MORC1: variants seen among roughly 807,000 people sequenced by gnomAD.
MORC1 encodes MORC family CW-type zinc finger 1, also known as MORC family CW-type zinc finger protein 1.
A neutral mutation model predicts 134.9 loss-of-function variants in MORC1; 59 were observed. The ratio of observed to expected loss-of-function variants is 0.44; its 90% CI spans 0.35 to 0.54. MORC1 has a LOEUF of 0.54. Ranked by LOEUF, MORC1 falls within the 20% of genes least tolerant of loss-of-function variation. MORC1 has a pLI of 0.00. For missense variants in MORC1, 947 were observed against 1,134.5 expected (o/e 0.83, Z 2.37); for synonymous variants, 395 against 391.7 (o/e 1.01, Z -0.10).
At chr3:108,962,435 T>A (rs1454747697) in intron 27 of MORC1, among the ~76,000 whole-genome samples, 3 of 152,166 alleles carry the variant, frequency 2.0e-5, no homozygotes, top group Non-Finnish European at 2.9e-5. Flanking sequence ...AGGTCCATGT[T>A]CTTCACACAT....
chr3:109,032,658 C>A, intron 16 of MORC1, 62 bp downstream of exon 16: 1 of 1,153,486 alleles, frequency 8.7e-7, no homozygotes, highest in South Asian at 1.4e-5. Context: ...TTTCAAGGTT[C>A]ATACATATGA....
intron 3 of MORC1, among the ~76,000 whole-genome samples, chr3:109,109,435 A>C (rs1253575528): frequency 6.6e-6 from 1 of 152,170 alleles, no homozygotes; most frequent in Non-Finnish European, 1.5e-5. Flanking sequence ...TTGTTTTCTC[A>C]TAATTATTAC....
chr3:109,066,288 CTTTTTTTT>C (rs377008017), intron 9 of MORC1, among the ~76,000 whole-genome samples: 2,337 of 144,346 alleles, frequency 0.016, 53 homozygotes, highest in African/African-American at 0.056. Context: ...CTCTTTTTTT[CTTTTTTTT>C]TTTTTCTGAG....
intron 8 of MORC1, among the ~76,000 whole-genome samples, chr3:109,078,828 T>C (rs1950471952): frequency 6.6e-6 from 1 of 151,820 alleles, no homozygotes; most frequent in African/African-American, 2.4e-5. Flanking sequence ...GAACAAAATC[T>C]ATCAGAGGAA....
intron 6 of MORC1, 128 bp from the exon 7 acceptor site, chr3:109,095,196 T>C: frequency 1.2e-6 from 1 of 821,312 alleles, no homozygotes; most frequent in Non-Finnish European, 1.9e-6. Flanking sequence ...TTCATTTTCC[T>C]CCTATAATCT....
intron 14 of MORC1, among the ~76,000 whole-genome samples, chr3:109,045,820 T>C (rs1949682832): frequency 6.6e-6 from 1 of 152,140 alleles, no homozygotes; most frequent in Non-Finnish European, 1.5e-5. Flanking sequence ...GTAAGCACAG[T>C]ACGCTCCCCT....
At chr3:109,051,109 G>A (rs1469779044) in intron 14 of MORC1, among the ~76,000 whole-genome samples, 1 of 152,148 alleles carries the variant, frequency 6.6e-6, no homozygotes, top group East Asian at 1.9e-4. Flanking sequence ...AAACATAGTA[G>A]CAGACAGTGA....
chr3:108,996,529 ACTC>A (rs1223115373), intron 21 of MORC1, among the ~76,000 whole-genome samples: 2 of 151,684 alleles, frequency 1.3e-5, no homozygotes, highest in East Asian at 2.0e-4. Flanking sequence ...GTAAAGAAAA[ACTC>A]CTCATTATTT....
intron 13 of MORC1, 118 bp from the exon 14 acceptor site, chr3:109,055,000 G>A: frequency 1.1e-6 from 1 of 924,846 alleles, no homozygotes; most frequent in East Asian, 2.7e-5. Context: ...TGTTGATCTG[G>A]ACCATGTCAA....
intron 17 of MORC1, among the ~76,000 whole-genome samples, chr3:109,017,871 A>G (rs1304908995): frequency 5.9e-5 from 9 of 152,216 alleles, no homozygotes; most frequent in Non-Finnish European, 1.2e-4. Context: ...CAAGACTATT[A>G]CATTTCTTTA....
At position 108,962,142 on chromosome 3, in the gene MORC1, G is replaced by A. The variant is rs141419893; in HGVS notation, c.2799+1272C>T. On this transcript the variant is annotated intron_variant, in intron 27 of 27. Coordinates refer to ENST00000232603, the MANE Select transcript of MORC1 (RefSeq NM_014429.4). ...CTGAAGTGGTATGGTTGATAGAAGC[G>A]CAAATACAATTACCTTTATATAAAA... Among the ~76,000 whole-genome samples, 13 of 152,150 alleles carry A rather than the reference G, an allele frequency of 8.5e-5. No individual in the cohort carries two copies. The East Asian group carries it at 2.5e-3, about 29-fold the overall frequency.
intron 27 of MORC1, among the ~76,000 whole-genome samples, chr3:108,960,769 C>G (rs34137678): frequency 0.025 from 3,862 of 151,996 alleles, 82 homozygotes; most frequent in Middle Eastern, 0.11. Flanking sequence ...AGGCATACAC[C>G]TTATAGTCCT....
chr3:109,014,745 A>G (rs1433889287), intron 17 of MORC1, among the ~76,000 whole-genome samples: 1 of 152,226 alleles, frequency 6.6e-6, no homozygotes, highest in Non-Finnish European at 1.5e-5. Flanking sequence ...TAAAAATTTT[A>G]TAAGTTCTAT....
intron 9 of MORC1, among the ~76,000 whole-genome samples, chr3:109,069,383 T>A: frequency 6.6e-6 from 1 of 152,188 alleles, no homozygotes; most frequent in East Asian, 1.9e-4. Context: ...TTCACTGAAG[T>A]AAAAAACAAA....
intron 11 of MORC1, among the ~76,000 whole-genome samples, chr3:109,060,362 C>T (rs1274862744): frequency 6.6e-5 from 10 of 151,750 alleles, no homozygotes. Flanking sequence ...CAAACTTTCC[C>T]TTTATAGGAT....
chr3:108,969,212 A>G (rs1411591530), intron 26 of MORC1, among the ~76,000 whole-genome samples: 1 of 152,194 alleles, frequency 6.6e-6, no homozygotes, highest in Non-Finnish European at 1.5e-5. Context: ...ATTTTTAAAA[A>G]TTGCTTTTAC....
chr3:109,062,950 A>G (rs1444350528), intron 10 of MORC1, among the ~76,000 whole-genome samples: 1 of 152,198 alleles, frequency 6.6e-6, no homozygotes, highest in African/African-American at 2.4e-5. Context: ...GATCATACTT[A>G]TAATAATAAT....
chr3:108,962,772 AT>A (rs1947115055), intron 27 of MORC1, among the ~76,000 whole-genome samples: 1 of 150,638 alleles, frequency 6.6e-6, no homozygotes, highest in Non-Finnish European at 1.5e-5. Flanking sequence ...GCTCTTCCTC[AT>A]CAGTTCAACC....
chr3:109,104,866 AACACACACAC>A (rs5851642), intron 3 of MORC1, among the ~76,000 whole-genome samples: 10 of 149,292 alleles, frequency 6.7e-5, no homozygotes, highest in South Asian at 2.2e-4. Context: ...GACAAATTTT[AACACACACAC>A]ACACACACAC....
Sources: gnomAD v4.1 joint callset for allele counts (sites outside exome capture counted in the v4.1 genomes callset) on GRCh38, gnomAD v4.1.1 for gene constraint, MANE v1.5 for transcripts, NCBI Gene and HGNC (gene_info 2026-07-23, HGNC 2026-07-21) for gene names.